TENM3: variants seen among roughly 807,000 people sequenced by gnomAD.
The protein encoded by TENM3 is teneurin transmembrane protein 3, also known as teneurin-3.
TENM3 carries 63 observed loss-of-function variants against 255.1 expected under a neutral mutation model. The observed-to-expected ratio is 0.25, with a 90% CI of 0.20 to 0.30. The LOEUF (loss-of-function observed/expected upper bound fraction) is 0.30, where lower values mean the gene tolerates loss of function less well. TENM3 is among the 10% of genes least tolerant of loss of function. The pLI, the probability that TENM3 is intolerant of heterozygous loss-of-function variation, is 1.00. For missense variants in TENM3, 2,929 were observed against 3,461.1 expected, an observed-to-expected ratio of 0.85 and a Z score of 3.86; for synonymous variants, 1,306 against 1,322.3, an observed-to-expected ratio of 0.99 and a Z score of 0.27.
the TENM3 span, among the ~76,000 whole-genome samples, chr4:181,488,513 GA>G: frequency 6.6e-6 from 1 of 152,016 alleles, no homozygotes; most frequent in Non-Finnish European, 1.5e-5. Flanking sequence ...TTTGAATTGG[GA>G]AAAAAACTGT....
At chr4:182,390,142 G>A (rs1020159848) in intron 3 of TENM3, among the ~76,000 whole-genome samples, 1 of 152,124 alleles carries the variant, frequency 6.6e-6, no homozygotes, top group East Asian at 1.9e-4. Context: ...ATCCCGGGTG[G>A]GTCATGGGAT....
At chr4:181,873,771 G>GT in the TENM3 span, among the ~76,000 whole-genome samples, 1 of 143,740 alleles carries the variant, frequency 7.0e-6, no homozygotes, top group African/African-American at 2.5e-5. Context: ...TGTGTGTGTG[G>GT]TTTTTTGTTT....
At position 182,730,219 on chromosome 4, in the gene TENM3, G is replaced by A; in HGVS notation, c.2605G>A (p.Gly869Ser). The change falls in exon 15 of 28, where the codon GGC becomes AGC. Residue 869 changes from glycine (G) to serine (S), a missense_variant. By Grantham distance (56) the Gly-to-Ser change is moderately conservative (BLOSUM62 0). Coordinates refer to ENST00000511685, the MANE Select transcript of TENM3 (RefSeq NM_001080477.4). ...CAACAGCCTTGCATCTGTCATCAGA[G>A]GCCAAGTACTGACTGCTGATGGAAC... ...FNKSLASVIR[G>S]QVLTADGTPL... is the part of the protein sequence containing the mutation. 6.2e-7 allele frequency: 1 copy of A among 1,613,724 alleles called. No individual in the cohort carries two copies. Among genetic ancestry groups the A allele is most frequent in the Non-Finnish European group, 8.5e-7 (1 of 1,179,774 alleles).
At chr4:182,074,514 C>A in the TENM3 span, among the ~76,000 whole-genome samples, 1 of 152,322 alleles carries the variant, frequency 6.6e-6, no homozygotes, top group East Asian at 1.9e-4. Context: ...CCCTCTAAAA[C>A]TTTCTTGGGA....
At chr4:182,507,730 GA>G (rs1401650068) in intron 3 of TENM3, among the ~76,000 whole-genome samples, 1 of 152,144 alleles carries the variant, frequency 6.6e-6, no homozygotes, top group Non-Finnish European at 1.5e-5. Context: ...TTCCACTTTT[GA>G]AATACAGGGC....
At chr4:181,776,127 A>G in the TENM3 span, among the ~76,000 whole-genome samples, 1 of 152,058 alleles carries the variant, frequency 6.6e-6, no homozygotes, top group Non-Finnish European at 1.5e-5. Flanking sequence ...TTCTGCTTCC[A>G]TGAGATCAAT....
the TENM3 span, among the ~76,000 whole-genome samples, chr4:181,884,538 A>G: frequency 6.6e-6 from 1 of 152,170 alleles, no homozygotes; most frequent in African/African-American, 2.4e-5. Flanking sequence ...TGTACCTCAT[A>G]TAAGTGGAAT....
chr4:182,753,200 G>A lies in TENM3; in HGVS notation c.3863-250G>A, dbSNP rs112414261. 5.5e-3 allele frequency among the ~76,000 whole-genome samples: 834 copies of A among 152,142 alleles called. 7 individuals are homozygous for A. Among genetic ancestry groups the A allele is most frequent in the African/African-American group, 0.016 (644 of 41,500 alleles). The stretch of plus-strand genomic sequence containing the variant: ...TGAGCTCAGGCAGTCCGCCTGCCTC[G>A]GCCTCGCAAAGTGCTAGGATTGCAG... On this transcript the variant is annotated intron_variant, in intron 20 of 27. Transcript: ENST00000511685.
the TENM3 span, among the ~76,000 whole-genome samples, chr4:181,950,934 C>G: frequency 2.6e-5 from 4 of 151,846 alleles, no homozygotes; most frequent in African/African-American, 9.7e-5. Context: ...CCCAGCTACT[C>G]GGGAGGCTGA....
At chr4:181,501,328 C>G in the TENM3 span, among the ~76,000 whole-genome samples, 5 of 151,664 alleles carry the variant, frequency 3.3e-5, no homozygotes, top group Admixed American at 3.3e-4. Flanking sequence ...CCTAAAGGTT[C>G]TCTTAATGAT....
At chr4:182,344,723 T>C (rs1764689525) in intron 2 of TENM3, among the ~76,000 whole-genome samples, 2 of 152,202 alleles carry the variant, frequency 1.3e-5, no homozygotes, top group Non-Finnish European at 2.9e-5. Context: ...TTTCCCTCTT[T>C]AAAAATTATT....
chr4:181,966,952 C>T, the TENM3 span, among the ~76,000 whole-genome samples: 4 of 152,086 alleles, frequency 2.6e-5, no homozygotes, highest in African/African-American at 9.7e-5. Flanking sequence ...CTCTCTTCCT[C>T]CTTCTTCTCT....
chr4:182,217,758 T>C (rs1755591560), intron 1 of TENM3, among the ~76,000 whole-genome samples: 1 of 152,192 alleles, frequency 6.6e-6, no homozygotes, highest in Non-Finnish European at 1.5e-5. Flanking sequence ...AATATGACTA[T>C]TGCTATTTTG....
chr4:182,538,612 G>C (rs1212738502), intron 3 of TENM3, among the ~76,000 whole-genome samples: 1 of 152,136 alleles, frequency 6.6e-6, no homozygotes, highest in African/African-American at 2.4e-5. Flanking sequence ...AACAGTGCTG[G>C]GGGTTAGAAG....
chr4:182,166,629 CT>C (rs767816283), intron 1 of TENM3, among the ~76,000 whole-genome samples: 3 of 152,080 alleles, frequency 2.0e-5, no homozygotes, highest in Non-Finnish European at 4.4e-5. Context: ...CTTTTCTTCT[CT>C]TTTCTTTTCT....
At chr4:182,541,376 G>C (rs912210492) in intron 3 of TENM3, among the ~76,000 whole-genome samples, 1 of 152,176 alleles carries the variant, frequency 6.6e-6, no homozygotes, top group Non-Finnish European at 1.5e-5. Context: ...AAAATAGAGA[G>C]CAGAATGTTA....
At chr4:181,580,512 T>A in the TENM3 span, among the ~76,000 whole-genome samples, 1 of 152,140 alleles carries the variant, frequency 6.6e-6, no homozygotes, top group Non-Finnish European at 1.5e-5. Context: ...AAGTGATGTT[T>A]TGAAAATAAG....
the TENM3 span, among the ~76,000 whole-genome samples, chr4:181,680,128 T>C: frequency 6.6e-6 from 1 of 152,132 alleles, no homozygotes; most frequent in Non-Finnish European, 1.5e-5. Flanking sequence ...CTATTTTATA[T>C]TCGTGAAGGT....
the TENM3 span, among the ~76,000 whole-genome samples, chr4:181,510,588 A>G: frequency 6.6e-6 from 1 of 152,226 alleles, no homozygotes; most frequent in Non-Finnish European, 1.5e-5. Context: ...AAAGTGTAAC[A>G]AAAAGGAAAC....
Sources: gnomAD v4.1 joint callset for allele counts (sites outside exome capture counted in the v4.1 genomes callset) on GRCh38, gnomAD v4.1.1 for gene constraint, MANE v1.5 for transcripts, NCBI Gene and HGNC (gene_info 2026-07-23, HGNC 2026-07-21) for gene names.